SLC9A5: variants seen among roughly 807,000 people sequenced by gnomAD.
SLC9A5 encodes the protein solute carrier family 9 member A5.
In SLC9A5, 52 loss-of-function variants were observed where a neutral mutation model predicts 91.7. That is an observed-to-expected ratio of 0.57 (90% CI 0.45 to 0.71). The LOEUF (loss-of-function observed/expected upper bound fraction) is 0.71, where lower values mean the gene tolerates loss of function less well. SLC9A5 is among the 30% of genes least tolerant of loss of function. The probability of loss-of-function intolerance (pLI) is 0.00; values close to 1 mark genes in which losing one functional copy is unlikely to be tolerated. For synonymous variants in SLC9A5, 419 were observed against 474.5 expected (o/e 0.88, Z 1.52); for missense variants, 871 against 1,158.9 (o/e 0.75, Z 3.61).
Position 67,257,613 on chromosome 16 carries a change from G to T in SLC9A5, c.1496+12G>T. On this transcript the variant is annotated intron_variant, in intron 9 of 15. Coordinates refer to ENST00000299798, the MANE Select transcript of SLC9A5 (RefSeq NM_004594.3). The surrounding 1 kb of genome is among the most constrained non-coding windows in gnomAD (Gnocchi z 5.1). ...TACTGGAGGGACAGGTGAGGGAGCTGCCCCGAGGCTCCTTCAGCAGCAGCA... is the reference window on the plus strand; with the variant it reads ...TACTGGAGGGACAGGTGAGGGAGCTTCCCCGAGGCTCCTTCAGCAGCAGCA... The T allele has an allele frequency of 2.5e-6, 4 of 1,613,668 alleles. No homozygotes were observed. The African/African-American group carries it at 4.0e-5, about 16-fold the overall frequency.
In SLC9A5 at chr16:67,257,063, T is replaced by C; in HGVS notation, c.1285T>C (p.Tyr429His). The part of the protein sequence containing the change: ...LDRTKVPAKD[Y>H]FVATTIVVVF... Reference sequence around the variant, plus strand: ...TAGGACCAAGGTCCCTGCCAAGGACTACTTTGTAGCCACCACTATTGTAGT... The same window carrying C: ...TAGGACCAAGGTCCCTGCCAAGGACCACTTTGTAGCCACCACTATTGTAGT... Residue 429 changes from tyrosine (Y) to histidine (H), a missense_variant, in exon 7 of 16, where the codon TAC (tyrosine) becomes CAC (histidine). Coordinates refer to ENST00000299798, the MANE Select transcript of SLC9A5 (RefSeq NM_004594.3). This position sits in a 1 kb window ranked among gnomAD's most constrained non-coding sequence, Gnocchi z 5.1. 6.2e-7 allele frequency: 1 copy of C among 1,613,250 alleles called. No individual in the cohort carries two copies. The highest frequency in any genetic ancestry group is 8.5e-7 in the Non-Finnish European group (1 of 1,180,028).
At chr16:67,261,956 G>GTGTGTGTA (rs2035544655) in intron 12 of SLC9A5, 1 of 269,592 alleles carries the variant, frequency 3.7e-6, no homozygotes, top group Non-Finnish European at 7.5e-6. Flanking sequence ...GTGTGTGTGT[G>GTGTGTGTA]TGTATGTGGT....
At chr16:67,250,574 A>G (rs2035077838) in intron 1 of SLC9A5, among the ~76,000 whole-genome samples, 2 of 152,204 alleles carry the variant, frequency 1.3e-5, no homozygotes, top group African/African-American at 4.8e-5. Flanking sequence ...TCTAGTTTGG[A>G]TGACATTTCC....
chr16:67,255,063 G>A lies in SLC9A5; in HGVS notation c.533G>A (p.Gly178Glu), dbSNP rs370582171. The change falls in exon 3 of 16, where the codon GGG becomes GAG. Residue 178 changes from glycine to glutamate, a missense_variant. By Grantham distance (98) the Gly-to-Glu change is moderately conservative. Around this residue, in one of 3 missense-constraint regions of SLC9A5, gnomAD observed 454 missense variants for 718.3 expected, o/e 0.63. Transcript: ENST00000299798. This position sits in a 1 kb window ranked among gnomAD's most constrained non-coding sequence, Gnocchi z 4.9. ...GGCTTACTGGACTTCCTGCTGTTTGGGAGCCTCATCTCGGCGGTGGACCCC... is the reference window on the plus strand; with the variant it reads ...GGCTTACTGGACTTCCTGCTGTTTGAGAGCCTCATCTCGGCGGTGGACCCC... ...QAGLLDFLLFGSLISAVDPVA... is the reference protein window; with the variant it reads ...QAGLLDFLLFESLISAVDPVA... 1.2e-6 allele frequency: 2 copies of A among 1,613,916 alleles called. No homozygotes were observed. Among genetic ancestry groups the A allele is most frequent in the African/African-American group, 1.3e-5 (1 of 74,898 alleles).
chr16:67,260,354 CA>C (rs397932908), intron 12 of SLC9A5, among the ~76,000 whole-genome samples: 137 of 33,444 alleles, frequency 4.1e-3, no homozygotes, highest in South Asian at 0.027. Context: ...GACTCCATCT[CA>C]AAAAAAAAAA....
intron 12 of SLC9A5, chr16:67,261,981 T>C (rs1242034030): frequency 3.8e-6 from 1 of 265,964 alleles, no homozygotes; most frequent in African/African-American, 2.3e-5. Context: ...ATGTATAAGA[T>C]TGGTCAATGG....
intron 15 of SLC9A5, among the ~76,000 whole-genome samples, chr16:67,266,935 ACT>A (rs141672752): frequency 0.013 from 1,712 of 129,898 alleles, 44 homozygotes; most frequent in African/African-American, 0.048. Flanking sequence ...ACAGGATCTC[ACT>A]CTGTCACCCA....
chr16:67,255,360 C>G lies in SLC9A5; in HGVS notation c.655-33C>G. 6.3e-7 allele frequency: 1 copy of G among 1,593,168 alleles called. No homozygotes were observed. Among genetic ancestry groups the G allele is most frequent in the Non-Finnish European group, 8.6e-7 (1 of 1,162,588 alleles). On this transcript the variant is annotated intron_variant, in intron 3 of 15. Coordinates refer to ENST00000299798, the MANE Select transcript of SLC9A5 (RefSeq NM_004594.3). The surrounding 1 kb of genome is among the most constrained non-coding windows in gnomAD (Gnocchi z 4.9). ...CCAGCAGTCCCAGTTGCTGCCTTCCCGCCTCACTGCTGACTCTCCTCTTCT... is the reference window on the plus strand; with the variant it reads ...CCAGCAGTCCCAGTTGCTGCCTTCCGGCCTCACTGCTGACTCTCCTCTTCT...
chr16:67,255,208 A>G lies in SLC9A5; in HGVS notation c.654+24A>G, dbSNP rs533230525. The G allele has an allele frequency of 2.5e-6, 4 of 1,607,322 alleles. No individual in the cohort carries two copies. In the African/African-American group the frequency reaches 5.3e-5, roughly 21 times the overall value. On this transcript the variant is annotated intron_variant, in intron 3 of 15. Transcript: ENST00000299798. The surrounding 1 kb of genome is among the most constrained non-coding windows in gnomAD (Gnocchi z 4.9). ...TGGTGAGCGTGCTCAGCTGACTGCC[A>G]TTCCCTGACCCCAGGCTGCATGCTC...
intron 12 of SLC9A5, 105 bp from the exon 13 acceptor site, chr16:67,264,247 C>A: frequency 2.1e-6 from 2 of 933,648 alleles, no homozygotes; most frequent in Non-Finnish European, 3.3e-6. Context: ...TCTGGAAAAG[C>A]TGGGCTGGCA....
At position 67,270,916 on chromosome 16, in the gene SLC9A5, G is replaced by C; in HGVS notation, c.2397G>C (p.Glu799Asp). ...TGWNQSISSLESLASPPCNQA... is the reference protein window; with the variant it reads ...TGWNQSISSLDSLASPPCNQA... The stretch of plus-strand genomic sequence containing the variant: ...GGAACCAGAGCATCTCATCCCTGGA[G>C]AGCCTAGCGTCCCCTCCCTGTAACC... Residue 799 changes from glutamate to aspartate, a missense_variant, in exon 16 of 16, where the codon GAG (glutamate) becomes GAC (aspartate). Around this residue, in one of 3 missense-constraint regions of SLC9A5, gnomAD observed 295 missense variants for 326.0 expected, o/e 0.90. Coordinates refer to ENST00000299798, the MANE Select transcript of SLC9A5 (RefSeq NM_004594.3). This position sits in a 1 kb window ranked among gnomAD's most constrained non-coding sequence, Gnocchi z 4.3. The C allele has an allele frequency of 6.2e-7, 1 of 1,614,114 alleles. No individual in the cohort carries two copies. The highest frequency in any genetic ancestry group is 8.5e-7 in the Non-Finnish European group (1 of 1,180,010).
At chr16:67,269,581 GTTTT>G (rs1202407855) in intron 15 of SLC9A5, among the ~76,000 whole-genome samples, 1 of 152,126 alleles carries the variant, frequency 6.6e-6, no homozygotes, top group African/African-American at 2.4e-5. Flanking sequence ...AATACCAAAG[GTTTT>G]TTGTTTTACA....
At position 67,258,174 on chromosome 16, in the gene SLC9A5, G is replaced by A. The variant is rs1398893061; in HGVS notation, c.1497-144G>A. 4.2e-6 allele frequency: 3 copies of A among 722,298 alleles called. No homozygotes were observed. The African/African-American group carries it at 5.3e-5, about 13-fold the overall frequency. The allele number at this position is 722,298 out of a possible 1,614,324, so 44.7% of individuals were successfully genotyped here. On this transcript the variant is annotated intron_variant, in intron 9 of 15. Transcript: ENST00000299798. This position sits in a 1 kb window ranked among gnomAD's most constrained non-coding sequence, Gnocchi z 4.5. ...ACATTGTAAATTCCATGAGGGCAGG[G>A]ACTAGCCTTGAGATTCTCTCTGGCT... is the stretch of plus-strand genomic sequence containing the variant.
At chr16:67,260,449 C>G (rs1244204679) in intron 12 of SLC9A5, among the ~76,000 whole-genome samples, 2 of 151,250 alleles carry the variant, frequency 1.3e-5, no homozygotes, top group African/African-American at 4.9e-5. Flanking sequence ...AAGGGTTGAC[C>G]TAATACAAGC....
chr16:67,266,379 G>A (rs762871401), intron 15 of SLC9A5, among the ~76,000 whole-genome samples, 154 bp downstream of exon 15: 2 of 152,048 alleles, frequency 1.3e-5, no homozygotes, highest in Non-Finnish European at 2.9e-5. Flanking sequence ...CCAGATGCCC[G>A]ACATAGGTAA....
At chr16:67,254,200 T>A (rs897272853) in intron 2 of SLC9A5, among the ~76,000 whole-genome samples, 1 of 152,204 alleles carries the variant, frequency 6.6e-6, no homozygotes, top group Non-Finnish European at 1.5e-5. Context: ...TCAAGTCCGA[T>A]CTGTGTTGCT....
In SLC9A5 at chr16:67,257,316, G is replaced by A. The variant is rs1361561931; in HGVS notation, c.1336-29G>A. ...GCAGCAGGGAACTGAATAGGAATAG[G>A]GCAGGGCTCACCTCCTGCCTGTCCA... On this transcript the variant is annotated intron_variant, in intron 7 of 15. Coordinates refer to ENST00000299798, the MANE Select transcript of SLC9A5 (RefSeq NM_004594.3). The surrounding 1 kb of genome is among the most constrained non-coding windows in gnomAD (Gnocchi z 5.1). 1.3e-6 allele frequency: 2 copies of A among 1,586,458 alleles called. No individual in the cohort carries two copies. The highest frequency in any genetic ancestry group is 1.7e-6 in the Non-Finnish European group (2 of 1,154,892).
In SLC9A5 at chr16:67,259,911, C is replaced by T; in HGVS notation, c.1807C>T (p.Leu603=). 1.9e-6 allele frequency: 3 copies of T among 1,614,090 alleles called. No individual in the cohort carries two copies. Among genetic ancestry groups the T allele is most frequent in the Non-Finnish European group, 8.5e-7 (1 of 1,179,996 alleles). ...TCGTGAGGATGCTGTGATGCATCATCTGCTCTGCGGAGGCCTCTACAAGCC... is the reference window on the plus strand; with the variant it reads ...TCGTGAGGATGCTGTGATGCATCATTTGCTCTGCGGAGGCCTCTACAAGCC... ...RDREDAVMHH[L]LCGGLYKPRR... Residue 603 remains leucine (L), a synonymous_variant, in exon 12 of 16, where the codon CTG becomes TTG. Coordinates refer to ENST00000299798, the MANE Select transcript of SLC9A5 (RefSeq NM_004594.3).
In SLC9A5 at chr16:67,257,024, G is replaced by A. The variant is rs754013008; in HGVS notation, c.1246G>A (p.Val416Ile). 21 of 1,613,742 alleles carry A rather than the reference G, an allele frequency of 1.3e-5. No individual in the cohort carries two copies. The highest frequency in any genetic ancestry group is 3.3e-5 in the South Asian group (3 of 91,088). ...GLRGAVAFAL[V>I]ILLDRTKVPA... is the part of the protein sequence containing the mutation. ...GCGGGGGGCTGTGGCCTTTGCTCTC[G>A]TCATCCTACTGGATAGGACCAAGGT... is the stretch of plus-strand genomic sequence containing the variant. Residue 416 changes from valine (V) to isoleucine (I), a missense_variant, in exon 7 of 16, where the codon GTC becomes ATC. This residue lies in a region of SLC9A5 where 454 missense variants were observed against 718.3 expected (regional missense o/e 0.63). Transcript: ENST00000299798. This position sits in a 1 kb window ranked among gnomAD's most constrained non-coding sequence, Gnocchi z 5.1.
Sources: allele counts gnomAD v4.1 joint callset (sites outside exome capture counted in the v4.1 genomes callset), GRCh38; gene constraint gnomAD v4.1.1; regional missense constraint gnomAD v4.1.1; non-coding constraint Gnocchi (gnomAD v3.1); transcripts MANE v1.5; gene names NCBI Gene and HGNC (gene_info 2026-07-23, HGNC 2026-07-21).